Variants in CDKAL1 observed in about 807,000 individuals in gnomAD.
The protein encoded by CDKAL1 is CDKAL1 threonylcarbamoyladenosine tRNA methylthiotransferase.
A neutral mutation model predicts 68.2 loss-of-function variants in CDKAL1; 32 were observed. The ratio of observed to expected loss-of-function variants is 0.47; its 90% confidence interval spans 0.35 to 0.63. CDKAL1 has a LOEUF of 0.63. CDKAL1 is among the 30% of genes least tolerant of loss of function. The probability of loss-of-function intolerance (pLI) is 0.00; values close to 1 mark genes in which losing one functional copy is unlikely to be tolerated. For missense variants in CDKAL1, 606 were observed against 696.7 expected, an observed-to-expected ratio of 0.87 and a Z score of 1.47; for synonymous variants, 234 against 244.3, an observed-to-expected ratio of 0.96 and a Z score of 0.39.
chr6:20,575,059 T>G (rs951592510), intron 4 of CDKAL1, among the ~76,000 whole-genome samples: 2 of 152,098 alleles, frequency 1.3e-5, no homozygotes, highest in Non-Finnish European at 1.5e-5. Flanking sequence ...AAGCAGAAAT[T>G]TATAAATCCT....
chr6:20,779,610 A>C (rs1775325348), intron 7 of CDKAL1, among the ~76,000 whole-genome samples: 1 of 152,188 alleles, frequency 6.6e-6, no homozygotes, highest in South Asian at 2.1e-4. Flanking sequence ...TTTGAGACGG[A>C]GTCTCGCTGT....
intron 9 of CDKAL1, among the ~76,000 whole-genome samples, chr6:20,858,464 C>T (rs1370542358): frequency 6.6e-6 from 1 of 151,992 alleles, no homozygotes; most frequent in Non-Finnish European, 1.5e-5. Context: ...AACTGATACG[C>T]CTGTAATGTG....
intron 13 of CDKAL1, among the ~76,000 whole-genome samples, chr6:21,117,104 C>T (rs960580488): frequency 2.8e-4 from 43 of 152,056 alleles, no homozygotes; most frequent in African/African-American, 9.9e-4. Context: ...CATACCCTGC[C>T]CCAACAGCTC....
chr6:21,125,904 C>T (rs1048282423), intron 13 of CDKAL1, among the ~76,000 whole-genome samples: 6 of 152,124 alleles, frequency 3.9e-5, no homozygotes, highest in South Asian at 2.1e-4. Context: ...TTGTGTGTCT[C>T]CCCTAGATAA....
chr6:20,807,563 TCTGAA>T (rs1219348214), intron 8 of CDKAL1, among the ~76,000 whole-genome samples: 6 of 152,202 alleles, frequency 3.9e-5, no homozygotes, highest in Non-Finnish European at 8.8e-5. Flanking sequence ...CTCTACTGTT[TCTGAA>T]CACTAAATGG....
intron 5 of CDKAL1, among the ~76,000 whole-genome samples, chr6:20,728,066 G>C (rs1772734565): frequency 6.6e-6 from 1 of 152,152 alleles, no homozygotes; most frequent in Non-Finnish European, 1.5e-5. Context: ...TCACTGGTGA[G>C]TGCCTTCATA....
chr6:21,218,914 T>C (rs1779434985), intron 15 of CDKAL1, among the ~76,000 whole-genome samples: 1 of 152,244 alleles, frequency 6.6e-6, no homozygotes, highest in Admixed American at 6.5e-5. Context: ...CTGCCTACCA[T>C]ACTTTTATAG....
At chr6:20,919,716 T>C (rs1445152779) in intron 9 of CDKAL1, among the ~76,000 whole-genome samples, 2 of 152,206 alleles carry the variant, frequency 1.3e-5, no homozygotes, top group Non-Finnish European at 2.9e-5. Flanking sequence ...TGGGCATGAT[T>C]GGTATTTTTT....
At chr6:21,144,386 G>T (rs1776062656) in intron 13 of CDKAL1, among the ~76,000 whole-genome samples, 1 of 152,138 alleles carries the variant, frequency 6.6e-6, no homozygotes, top group South Asian at 2.1e-4. Flanking sequence ...AGCAACTATT[G>T]AATGCTAAAT....
intron 8 of CDKAL1, among the ~76,000 whole-genome samples, chr6:20,794,860 G>A (rs1163180279): frequency 6.6e-6 from 1 of 152,018 alleles, no homozygotes; most frequent in Non-Finnish European, 1.5e-5. Flanking sequence ...TTTGTTTGTG[G>A]TCTGCAAGAC....
chr6:21,061,682 T>C (rs777032758), intron 11 of CDKAL1, among the ~76,000 whole-genome samples: 47 of 152,168 alleles, frequency 3.1e-4, no homozygotes, highest in Middle Eastern at 3.2e-3. Context: ...GAGAATTATT[T>C]ACTAGGCAAA....
chr6:20,646,685 G>C (rs956754928), intron 4 of CDKAL1, among the ~76,000 whole-genome samples: 1 of 152,088 alleles, frequency 6.6e-6, no homozygotes, highest in Non-Finnish European at 1.5e-5. Context: ...AATGTGCCAG[G>C]ATATAAAGCT....
chr6:20,588,762 T>A (rs535158248), intron 4 of CDKAL1, among the ~76,000 whole-genome samples: 1 of 152,328 alleles, frequency 6.6e-6, no homozygotes, highest in Non-Finnish European at 1.5e-5. Flanking sequence ...GAGACCTCCT[T>A]TTAAAATAAT....
chr6:21,225,150 G>A (rs533497702), intron 15 of CDKAL1, among the ~76,000 whole-genome samples: 4 of 152,216 alleles, frequency 2.6e-5, no homozygotes, highest in South Asian at 2.1e-4. Context: ...GTTGACACGC[G>A]CCATGAGGAG....
intron 4 of CDKAL1, among the ~76,000 whole-genome samples, chr6:20,579,602 C>G (rs1018069246): frequency 1.3e-5 from 2 of 152,130 alleles, no homozygotes; most frequent in African/African-American, 4.8e-5. Context: ...CATGAGGATA[C>G]TGATGTAATA....
intron 12 of CDKAL1, among the ~76,000 whole-genome samples, chr6:21,094,728 A>G (rs936403510): frequency 3.3e-5 from 5 of 152,238 alleles, no homozygotes; most frequent in Non-Finnish European, 7.4e-5. Context: ...ACACTAGGTA[A>G]AGAGATGGGG....
At chr6:21,189,681 C>T (rs1422870143) in intron 13 of CDKAL1, among the ~76,000 whole-genome samples, 1 of 152,174 alleles carries the variant, frequency 6.6e-6, no homozygotes, top group Non-Finnish European at 1.5e-5. Context: ...ATTTTTGACA[C>T]ACATTCTTGT....
At chr6:20,680,920 A>G (rs769977073) in intron 5 of CDKAL1, among the ~76,000 whole-genome samples, 1 of 152,224 alleles carries the variant, frequency 6.6e-6, no homozygotes, top group Non-Finnish European at 1.5e-5. Context: ...TTTTATCATC[A>G]GTTTCCTGAC....
chr6:20,943,328 C>CAAAAAAAAAA (rs34759060), intron 9 of CDKAL1, among the ~76,000 whole-genome samples: 16 of 50,994 alleles, frequency 3.1e-4, no homozygotes, highest in East Asian at 1.1e-3. Context: ...CTTGTTTTTT[C>CAAAAAAAAAA]AAAAAAAAAA....
Sources: gnomAD v4.1 joint callset for allele counts (sites outside exome capture counted in the v4.1 genomes callset) on GRCh38, gnomAD v4.1.1 for gene constraint, MANE v1.5 for transcripts, NCBI Gene and HGNC (gene_info 2026-07-23, HGNC 2026-07-21) for gene names.